DLGAP4: variants seen among roughly 807,000 people sequenced by gnomAD.
DLGAP4 encodes the protein disks large-associated protein 4.
In DLGAP4, 18 loss-of-function variants were observed where a neutral mutation model predicts 86.9. The observed-to-expected ratio is 0.21, with a 90% confidence interval of 0.14 to 0.31. The LOEUF is 0.31. Among genes scored for constraint, DLGAP4 ranks in the 10% least tolerant of loss-of-function variants. The probability of loss-of-function intolerance (pLI) is 1.00; values close to 1 mark genes in which losing one functional copy is unlikely to be tolerated. For missense variants in DLGAP4, 1,085 were observed against 1,362.6 expected (o/e 0.80, Z 3.21); for synonymous variants, 548 against 574.3 (o/e 0.95, Z 0.65).
chr20:36,462,702 A>G (rs1346899617), intron 7 of DLGAP4: 2 of 1,455,054 alleles, frequency 1.4e-6, no homozygotes, highest in East Asian at 2.7e-5. Context: ...CGCTAGGGCA[A>G]GGGGGCTCTG....
At chr20:36,386,956 C>T (rs532371009) in intron 2 of DLGAP4, among the ~76,000 whole-genome samples, 28 of 152,164 alleles carry the variant, frequency 1.8e-4, no homozygotes, top group African/African-American at 6.5e-4. Flanking sequence ...ATTTTTTCTG[C>T]CGAATAGTAT....
chr20:36,323,251 C>G (rs1437129903), intron 1 of DLGAP4, among the ~76,000 whole-genome samples: 1 of 150,516 alleles, frequency 6.6e-6, no homozygotes, highest in Non-Finnish European at 1.5e-5. Context: ...CTTGCCTTTT[C>G]CAATTAATTC....
intron 2 of DLGAP4, among the ~76,000 whole-genome samples, chr20:36,414,277 C>T (rs549277669): frequency 6.6e-5 from 10 of 152,204 alleles, no homozygotes; most frequent in South Asian, 2.1e-4. Flanking sequence ...AATGGGAAGG[C>T]GGAAAGATGA....
chr20:36,372,668 T>C (rs1418428699), intron 2 of DLGAP4, among the ~76,000 whole-genome samples: 1 of 152,138 alleles, frequency 6.6e-6, no homozygotes, highest in Non-Finnish European at 1.5e-5. Context: ...TCATAAATAA[T>C]CCGGCAACTG....
At chr20:36,398,098 G>A (rs2032052433) in intron 2 of DLGAP4, among the ~76,000 whole-genome samples, 1 of 152,186 alleles carries the variant, frequency 6.6e-6, no homozygotes. Context: ...TCCAGCCTGG[G>A]CGACAAAAAA....
intron 1 of DLGAP4, among the ~76,000 whole-genome samples, chr20:36,332,698 G>T (rs1197247575): frequency 1.3e-5 from 2 of 152,094 alleles, no homozygotes; most frequent in Non-Finnish European, 2.9e-5. Context: ...AGGAGGAGGT[G>T]CCCCCATTTC....
intron 3 of DLGAP4, among the ~76,000 whole-genome samples, chr20:36,434,722 G>T (rs1343245556): frequency 6.6e-5 from 10 of 152,206 alleles, no homozygotes; most frequent in Non-Finnish European, 1.5e-5. Flanking sequence ...TTATGGGAAG[G>T]CTGGGTGGGG....
rs113105909 is a variant in DLGAP4, at chr20:36,483,362, C to T, written c.1649-13343C>T. On this transcript the variant is annotated intron_variant, in intron 7 of 12. Transcript: ENST00000339266. ...ACGGGAGGATGCCTCCCTGAATGCCCGGAACTGGTGTTCTCCAGGCTGGGG... is the reference window on the plus strand; with the variant it reads ...ACGGGAGGATGCCTCCCTGAATGCCTGGAACTGGTGTTCTCCAGGCTGGGG... Among the ~76,000 whole-genome samples the T allele has an allele frequency of 6.0e-3, 911 of 152,226 alleles. 5 individuals are homozygous for T. Among genetic ancestry groups the T allele is most frequent in the African/African-American group, 0.021 (856 of 41,528 alleles).
intron 4 of DLGAP4, 140 bp downstream of exon 4, chr20:36,436,490 CAT>C (rs1365081176): frequency 6.6e-6 from 9 of 1,361,294 alleles, no homozygotes; most frequent in South Asian, 6.4e-5. Context: ...CACGCCCACT[CAT>C]GAGTCCTGCT....
chr20:36,443,785 C>A (rs2033516806), intron 6 of DLGAP4, among the ~76,000 whole-genome samples: 2 of 152,166 alleles, frequency 1.3e-5, no homozygotes, highest in African/African-American at 4.8e-5. Context: ...CCAACACTGA[C>A]AGACTCCACA....
chr20:36,394,826 G>T (rs1401520807), intron 2 of DLGAP4, among the ~76,000 whole-genome samples: 1 of 152,144 alleles, frequency 6.6e-6, no homozygotes, highest in Non-Finnish European at 1.5e-5. Flanking sequence ...TGGGCTCCAG[G>T]TTCCAGCAGT....
chr20:36,412,487 A>G lies in DLGAP4; in HGVS notation c.-72-19159A>G, dbSNP rs1049207611. Among the ~76,000 whole-genome samples, 8 of 152,366 alleles carry G rather than the reference A, an allele frequency of 5.3e-5. No individual in the cohort carries two copies. The South Asian group carries it at 1.4e-3, about 28-fold the overall frequency. On this transcript the variant is annotated intron_variant, in intron 2 of 12. Coordinates refer to ENST00000339266, the MANE Select transcript of DLGAP4 (RefSeq NM_001365621.2). ...AGCTGAGAAGCAGCACAGGAAGCTC[A>G]TTAGTGGCATGGGCTCTGGAGCCAA...
intron 1 of DLGAP4, among the ~76,000 whole-genome samples, chr20:36,326,996 C>CTTTTT (rs377378667): frequency 1.1e-4 from 11 of 99,472 alleles, no homozygotes; most frequent in East Asian, 2.7e-4. Flanking sequence ...AAGATTTTCT[C>CTTTTT]TTTTTTTTTT....
At chr20:36,414,155 T>A (rs1170873879) in intron 2 of DLGAP4, among the ~76,000 whole-genome samples, 1 of 152,048 alleles carries the variant, frequency 6.6e-6, no homozygotes, top group Non-Finnish European at 1.5e-5. Flanking sequence ...TTGCCTGAGG[T>A]CACAAGGTGA....
intron 2 of DLGAP4, among the ~76,000 whole-genome samples, chr20:36,412,974 CTT>C (rs2032542582): frequency 7.8e-6 from 1 of 128,756 alleles, no homozygotes; most frequent in African/African-American, 3.0e-5. Context: ...TTCCAGAACT[CTT>C]TTCTTTTTTT....
At chr20:36,462,572 G>T in intron 7 of DLGAP4, 1 of 1,600,674 alleles carries the variant, frequency 6.2e-7, no homozygotes, top group Non-Finnish European at 8.5e-7. Flanking sequence ...GGCCCTCATG[G>T]CTTTGTGTCT....
intron 7 of DLGAP4, among the ~76,000 whole-genome samples, chr20:36,478,501 G>C (rs1261190328): frequency 3.9e-5 from 6 of 152,206 alleles, no homozygotes; most frequent in Non-Finnish European, 7.3e-5. Context: ...CAGCTCCCAG[G>C]GGGTAGATGT....
intron 7 of DLGAP4, among the ~76,000 whole-genome samples, chr20:36,492,109 C>G (rs2035688864): frequency 6.6e-6 from 1 of 152,136 alleles, no homozygotes. Context: ...GTGTGAAGGC[C>G]CCAGCGGGGG....
In DLGAP4 at chr20:36,455,465, A is replaced by C. The variant is rs2033856204; in HGVS notation, c.1648+8528A>C. Among the ~76,000 whole-genome samples the C allele has an allele frequency of 3.3e-5, 5 of 152,106 alleles. No homozygotes were observed. In the South Asian group the frequency reaches 1.0e-3, roughly 31 times the overall value. ...GCATTCTCTGCACCTGAGTGTGTGCAAGCACACAGGCACACACACTTGGGC... is the reference window on the plus strand; with the variant it reads ...GCATTCTCTGCACCTGAGTGTGTGCCAGCACACAGGCACACACACTTGGGC... On this transcript the variant is annotated intron_variant, in intron 7 of 12. Transcript: ENST00000339266.
Sources: allele counts gnomAD v4.1 joint callset (sites outside exome capture counted in the v4.1 genomes callset), GRCh38; gene constraint gnomAD v4.1.1; transcripts MANE v1.5; gene names NCBI Gene and HGNC (gene_info 2026-07-23, HGNC 2026-07-21).